The following EP400 variants were observed in gnomAD, a reference collection of about 807,000 sequenced individuals.
The protein encoded by EP400 is E1A-binding protein p400.
EP400 carries 105 observed loss-of-function variants against 354.1 expected under a neutral mutation model. The observed-to-expected ratio is 0.30, with a 90% CI of 0.25 to 0.35. The LOEUF is 0.35. Among genes scored for constraint, EP400 ranks in the 10% least tolerant of loss-of-function variants. EP400 has a pLI of 1.00. For missense variants in EP400, 3,280 were observed against 4,121.0 expected (o/e 0.80, Z 5.59); for synonymous variants, 1,646 against 1,716.9 (o/e 0.96, Z 1.02).
Position 132,043,368 on chromosome 12 carries a change from G to A in EP400, c.6272G>A (p.Gly2091Glu). ...AQKSAQEGVLGPHTDALSSDS... is the reference protein window; with the variant it reads ...AQKSAQEGVLEPHTDALSSDS... ...AAGTCCGCACAGGAGGGGGTGCTGG[G>A]ACCACACACTGATGCTCTGTCATCA... is the stretch of plus-strand genomic sequence containing the variant. Residue 2091 changes from glycine (G) to glutamate (E), a missense_variant, in exon 33 of 53, where the codon GGA becomes GAA. Physicochemically the swap from Gly to Glu is moderately conservative, Grantham distance 98. Coordinates refer to ENST00000389561, the MANE Select transcript of EP400 (RefSeq NM_015409.5). 1 of 1,614,078 alleles carries A rather than the reference G, an allele frequency of 6.2e-7. No individual in the cohort carries two copies. Among genetic ancestry groups the A allele is most frequent in the East Asian group, 2.2e-5 (1 of 44,886 alleles).
intron 47 of EP400, 142 bp from the exon 48 acceptor site, chr12:132,064,526 A>G (rs1895823071): frequency 9.0e-7 from 1 of 1,110,268 alleles, no homozygotes. Flanking sequence ...CAGCCCATGG[A>G]AGGCGGTCTG....
chr12:132,055,654 G>A (rs1370902095), intron 45 of EP400, among the ~76,000 whole-genome samples: 1 of 140,280 alleles, frequency 7.1e-6, no homozygotes, highest in Non-Finnish European at 1.5e-5. Context: ...TGTGTGTGAG[G>A]TGTAGGGGTA....
rs1565921555 is a variant in EP400, at chr12:132,029,637, GC to G, written c.5382-59del. ...CAGAAGTCTGCCCCATCTTTCAGGA[GC>G]CCCCATGCTGGGTGAAGGTGTGTGG... On this transcript the variant is annotated intron_variant, in intron 27 of 52. Coordinates refer to ENST00000389561, the MANE Select transcript of EP400 (RefSeq NM_015409.5). The surrounding 1 kb of genome is among the most constrained non-coding windows in gnomAD (Gnocchi z 4.7). 1 of 1,542,764 alleles carries G rather than the reference GC, an allele frequency of 6.5e-7. No homozygotes were observed.
intron 41 of EP400, among the ~76,000 whole-genome samples, chr12:132,051,281 C>T (rs1895278417): frequency 6.6e-6 from 1 of 152,194 alleles, no homozygotes; most frequent in Non-Finnish European, 1.5e-5. Context: ...GGCTCCAACC[C>T]TACAGGGTCG....
intron 1 of EP400, among the ~76,000 whole-genome samples, chr12:131,959,081 G>A (rs1034234028): frequency 6.6e-6 from 1 of 152,232 alleles, no homozygotes; most frequent in Admixed American, 6.5e-5. Flanking sequence ...AGGCCTAAGT[G>A]TGAACTGGAA....
intron 15 of EP400, among the ~76,000 whole-genome samples, chr12:132,009,742 C>T (rs891757473): frequency 3.9e-5 from 6 of 152,010 alleles, no homozygotes; most frequent in Non-Finnish European, 1.5e-5. Context: ...TCACTGCAGC[C>T]TCAGCCTCCT....
At chr12:132,064,614 T>C in intron 47 of EP400, 54 bp from the exon 48 acceptor site, 1 of 1,580,194 alleles carries the variant, frequency 6.3e-7, no homozygotes, top group Non-Finnish European at 8.6e-7. Context: ...GATGTCTACT[T>C]AAAGAATGGA....
At chr12:132,026,904 T>G (rs559812119) in intron 25 of EP400, among the ~76,000 whole-genome samples, 1 of 152,370 alleles carries the variant, frequency 6.6e-6, no homozygotes, top group Admixed American at 6.5e-5. Flanking sequence ...TCTGCCTTCC[T>G]GATTGGCCCT....
chr12:132,006,354 A>G (rs373853161), intron 14 of EP400, 52 bp downstream of exon 14: 159 of 1,578,786 alleles, frequency 1.0e-4, no homozygotes, highest in Non-Finnish European at 1.3e-4. Flanking sequence ...GACAGAGCAC[A>G]TAGCTTAGCC....
At position 131,991,706 on chromosome 12, in the gene EP400, G is replaced by C. The variant is rs568822524; in HGVS notation, c.2679+250G>C. Among the ~76,000 whole-genome samples, 6 of 150,938 alleles carry C rather than the reference G, an allele frequency of 4.0e-5. No individual in the cohort carries two copies. In the East Asian group the frequency reaches 7.8e-4, roughly 20 times the overall value. ...AGCAATTCTCCTGCCTCAGCCTCCCGAGTAGCTAGGACTATAGGCGCACGC... is the reference window on the plus strand; with the variant it reads ...AGCAATTCTCCTGCCTCAGCCTCCCCAGTAGCTAGGACTATAGGCGCACGC... On this transcript the variant is annotated intron_variant, in intron 10 of 52. Transcript: ENST00000389561.
intron 1 of EP400, among the ~76,000 whole-genome samples, chr12:131,959,477 C>A (rs1045391281): frequency 5.3e-5 from 8 of 152,184 alleles, no homozygotes; most frequent in Non-Finnish European, 1.0e-4. Flanking sequence ...CACAGGATTA[C>A]CCTTGTCTGC....
At position 132,029,720 on chromosome 12, in the gene EP400, C is replaced by G; in HGVS notation, c.5401C>G (p.Pro1801Ala). ...VIDRVAFVIP[P>A]VVAAPPSLRV... ...CCTCAGGGTGGCCTTTGTGATTCCT[C>G]CGGTGGTGGCAGCACCCCCGTCCCT... The change falls in exon 28 of 53, where the codon CCG becomes GCG. Residue 1801 changes from proline to alanine, a missense_variant. By Grantham distance (27) the Pro-to-Ala change is conservative (BLOSUM62 -1). Transcript: ENST00000389561. The surrounding 1 kb of genome is among the most constrained non-coding windows in gnomAD (Gnocchi z 4.7). The G allele has an allele frequency of 6.2e-7, 1 of 1,612,954 alleles. No individual in the cohort carries two copies. The highest frequency in any genetic ancestry group is 8.5e-7 in the Non-Finnish European group (1 of 1,179,988).
intron 1 of EP400, among the ~76,000 whole-genome samples, chr12:131,957,665 G>A (rs547648775): frequency 2.6e-5 from 4 of 151,750 alleles, no homozygotes; most frequent in African/African-American, 7.3e-5. Flanking sequence ...GCTCAGTCTC[G>A]GCTCACTGCA....
Position 131,999,000 on chromosome 12 carries a change from C to T in EP400, c.2827+4044C>T, listed in dbSNP as rs1448785587. On this transcript the variant is annotated intron_variant, in intron 12 of 52. Coordinates refer to ENST00000389561, the MANE Select transcript of EP400 (RefSeq NM_015409.5). Reference sequence around the variant, plus strand: ...GTTCCTTTTATACTACTTTTTCTTGCCGTTTTGTGCTAGGTAGGACTTTCA... The same window carrying T: ...GTTCCTTTTATACTACTTTTTCTTGTCGTTTTGTGCTAGGTAGGACTTTCA... Among the ~76,000 whole-genome samples the T allele has an allele frequency of 2.0e-5, 3 of 149,992 alleles. No individual in the cohort carries two copies. The East Asian group carries it at 6.0e-4, about 30-fold the overall frequency.
intron 39 of EP400, among the ~76,000 whole-genome samples, chr12:132,046,834 A>G (rs1039264319): frequency 6.6e-6 from 1 of 152,206 alleles, no homozygotes. Context: ...CCACGTTGCC[A>G]GTGTCCACAC....
In EP400 at chr12:132,013,711, G is replaced by T. The variant is rs773597929; in HGVS notation, c.3786+47G>T. The T allele has an allele frequency of 6.2e-7, 1 of 1,609,206 alleles. No individual in the cohort carries two copies. Among genetic ancestry groups the T allele is most frequent in the Non-Finnish European group, 8.5e-7 (1 of 1,177,164 alleles). On this transcript the variant is annotated intron_variant, in intron 18 of 52. Coordinates refer to ENST00000389561, the MANE Select transcript of EP400 (RefSeq NM_015409.5). This position sits in a 1 kb window ranked among gnomAD's most constrained non-coding sequence, Gnocchi z 4.5. ...CAGTTAATTAATTAAACATGCGTAT[G>T]CCTTGTTATAAACGTGTTACAGCAG...
At chr12:132,031,701 G>A (rs558025375) in intron 29 of EP400, among the ~76,000 whole-genome samples, 177 of 152,192 alleles carry the variant, frequency 1.2e-3, no homozygotes, top group African/African-American at 4.2e-3. Context: ...GACTGCAGGC[G>A]CCTGCCACCA....
chr12:131,982,982 AAAATAAT>A (rs1207857560), intron 5 of EP400, among the ~76,000 whole-genome samples: 203 of 151,382 alleles, frequency 1.3e-3, no homozygotes, highest in African/African-American at 4.7e-3. Flanking sequence ...AAAAAAAAAA[AAAATAAT>A]AATAATAATA....
chr12:132,067,212 T>G lies in EP400; in HGVS notation c.8750-150T>G. 7.8e-7 allele frequency: 1 copy of G among 1,276,052 alleles called. No individual in the cohort carries two copies. The highest frequency in any genetic ancestry group is 2.4e-5 in the East Asian group (1 of 41,878). The allele number at this position is 1,276,052 out of a possible 1,614,324, so 79.0% of individuals were successfully genotyped here. A position where few individuals can be genotyped will look rare whatever the true frequency, so the allele number is the denominator to read the frequency against. ...AGTGTAATTTGTGAACCCAGAAACA[T>G]TTTAATGTAGTTAAGGGATGGCTTA... On this transcript the variant is annotated intron_variant, in intron 49 of 52. Transcript: ENST00000389561. This position sits in a 1 kb window ranked among gnomAD's most constrained non-coding sequence, Gnocchi z 5.3.
Sources: allele counts gnomAD v4.1 joint callset (sites outside exome capture counted in the v4.1 genomes callset), GRCh38; gene constraint gnomAD v4.1.1; non-coding constraint Gnocchi (gnomAD v3.1); transcripts MANE v1.5; gene names NCBI Gene and HGNC (gene_info 2026-07-23, HGNC 2026-07-21).